The following TSPAN15 variants were observed in gnomAD, a reference collection of about 807,000 sequenced individuals.
TSPAN15 encodes the protein tetraspanin 15, also known as tetraspanin-15.
A neutral mutation model predicts 34.5 loss-of-function variants in TSPAN15; 20 were observed. The observed-to-expected ratio is 0.58, with a 90% CI of 0.41 to 0.84. TSPAN15 has a LOEUF of 0.84. Among genes scored for constraint, TSPAN15 ranks in the 40% least tolerant of loss-of-function variants. The pLI, the probability that TSPAN15 is intolerant of heterozygous loss-of-function variation, is 0.00. For synonymous variants in TSPAN15, 155 were observed against 153.9 expected (o/e 1.01, Z -0.05); for missense variants, 313 against 386.1 (o/e 0.81, Z 1.59).
downstream of TSPAN15, among the ~76,000 whole-genome samples, chr10:69,510,047 G>A (rs554977156): frequency 2.0e-5 from 3 of 152,290 alleles, no homozygotes; most frequent in African/African-American, 7.2e-5. Context: ...GCTTAGGATT[G>A]TCTTGGCTAT....
chr10:69,507,525 AT>A lies in TSPAN15; in HGVS notation c.*552del, dbSNP rs1842359410. 2.3e-6 allele frequency: 3 copies of A among 1,303,932 alleles called. No homozygotes were observed. The highest frequency in any genetic ancestry group is 1.5e-5 in the African/African-American group (1 of 65,770). The allele number at this position is 1,303,932 out of a possible 1,614,324, so 80.8% of individuals were successfully genotyped here. ...TCCTTGAGCCTAGTTTTTTTACGTG[AT>A]TTTTGTAACATTCATTTTTTTGTAC... On this transcript the variant is annotated 3_prime_UTR_variant, in exon 8 of 8. Coordinates refer to ENST00000373290, the MANE Select transcript of TSPAN15 (RefSeq NM_012339.5).
intron 1 of TSPAN15, among the ~76,000 whole-genome samples, chr10:69,474,095 T>A (rs896123740): frequency 6.6e-6 from 1 of 152,140 alleles, no homozygotes; most frequent in African/African-American, 2.4e-5. Context: ...GAGCCGGCAG[T>A]TCTGACTGAG....
At chr10:69,547,529 T>C in the TSPAN15 span, among the ~76,000 whole-genome samples, 5 of 152,202 alleles carry the variant, frequency 3.3e-5, no homozygotes, top group African/African-American at 1.2e-4. Context: ...ATAGAAAGTC[T>C]TATATTTTTC....
At chr10:69,536,727 G>A in the TSPAN15 span, among the ~76,000 whole-genome samples, 4 of 152,232 alleles carry the variant, frequency 2.6e-5, no homozygotes, top group South Asian at 2.1e-4. Context: ...GCTCGTGCCT[G>A]TAATCCCAAC....
intron 3 of TSPAN15, among the ~76,000 whole-genome samples, chr10:69,491,178 T>C (rs1368910771): frequency 6.6e-6 from 1 of 152,180 alleles, no homozygotes; most frequent in Non-Finnish European, 1.5e-5. Context: ...CACCTTCTCC[T>C]GGTCCCCTGG....
intron 1 of TSPAN15, among the ~76,000 whole-genome samples, chr10:69,481,660 T>C (rs896731115): frequency 6.6e-6 from 1 of 152,162 alleles, no homozygotes; most frequent in Non-Finnish European, 1.5e-5. Flanking sequence ...CCTCGGTGTT[T>C]TGCATGGTGA....
At chr10:69,547,430 A>C in the TSPAN15 span, among the ~76,000 whole-genome samples, 1 of 152,134 alleles carries the variant, frequency 6.6e-6, no homozygotes, top group African/African-American at 2.4e-5. Context: ...CTGGCCCTGC[A>C]CTCTGGAGGA....
At chr10:69,485,305 G>T in intron 3 of TSPAN15, 90 bp downstream of exon 3, 2 of 1,059,414 alleles carry the variant, frequency 1.9e-6, no homozygotes, top group South Asian at 2.5e-5. Flanking sequence ...CAGTGAGCAG[G>T]GCAGATAACC....
the TSPAN15 span, among the ~76,000 whole-genome samples, chr10:69,533,210 C>G: frequency 6.6e-6 from 1 of 152,092 alleles, no homozygotes; most frequent in African/African-American, 2.4e-5. Context: ...AAGATACTTG[C>G]AGATGCATGT....
At chr10:69,460,040 ATGAGATGAG>A (rs1841215326) in intron 1 of TSPAN15, among the ~76,000 whole-genome samples, 1 of 145,848 alleles carries the variant, frequency 6.9e-6, no homozygotes, top group Non-Finnish European at 1.5e-5. Flanking sequence ...ATGAGATGAG[ATGAGATGAG>A]ATGAGATGAG....
intron 1 of TSPAN15, among the ~76,000 whole-genome samples, chr10:69,470,321 A>G (rs902072156): frequency 6.6e-6 from 1 of 152,184 alleles, no homozygotes; most frequent in Non-Finnish European, 1.5e-5. Context: ...AGTCCTCTCC[A>G]TTGCAAAGGC....
chr10:69,499,625 A>C (rs1369109042), intron 5 of TSPAN15, among the ~76,000 whole-genome samples: 4 of 152,244 alleles, frequency 2.6e-5, no homozygotes, highest in African/African-American at 7.2e-5. Flanking sequence ...TAGCAAACAA[A>C]GTCTCTGCCC....
intron 4 of TSPAN15, among the ~76,000 whole-genome samples, chr10:69,496,350 TAATAATAATA>T (rs1455233483): frequency 6.8e-6 from 1 of 148,014 alleles, no homozygotes; most frequent in Non-Finnish European, 1.5e-5. Context: ...ATAATAATAA[TAATAATAATA>T]ATAATAATAA....
At chr10:69,515,397 C>T in the TSPAN15 span, among the ~76,000 whole-genome samples, 12 of 152,218 alleles carry the variant, frequency 7.9e-5, no homozygotes, top group East Asian at 1.5e-3. Flanking sequence ...CACACGGTTC[C>T]ATCTGTCCTC....
intron 1 of TSPAN15, among the ~76,000 whole-genome samples, chr10:69,451,988 A>T (rs990413472): frequency 4.6e-5 from 7 of 152,250 alleles, no homozygotes; most frequent in Admixed American, 2.6e-4. Flanking sequence ...GGCTAGGCTG[A>T]GGTGAACGCG....
At chr10:69,492,410 G>A (rs917445461) in intron 3 of TSPAN15, among the ~76,000 whole-genome samples, 4 of 152,118 alleles carry the variant, frequency 2.6e-5, no homozygotes, top group African/African-American at 9.7e-5. Flanking sequence ...CGTCTCCCCG[G>A]TACACATACA....
chr10:69,457,375 G>A (rs57677741), intron 1 of TSPAN15, among the ~76,000 whole-genome samples: 13,685 of 152,274 alleles, frequency 0.09, 692 homozygotes, highest in Non-Finnish European at 0.12. Context: ...GTCTGCTGAG[G>A]CCTTGACTTT....
At chr10:69,470,261 G>C (rs144868700) in intron 1 of TSPAN15, among the ~76,000 whole-genome samples, 2 of 152,128 alleles carry the variant, frequency 1.3e-5, no homozygotes, top group Admixed American at 6.6e-5. Context: ...ATCACATTAG[G>C]GGGTGTGTGC....
chr10:69,499,408 C>T (rs1842155500), intron 5 of TSPAN15, among the ~76,000 whole-genome samples: 1 of 152,180 alleles, frequency 6.6e-6, no homozygotes, highest in Non-Finnish European at 1.5e-5. Flanking sequence ...GGGTAGTTCT[C>T]TGGGAAGTGG....
Sources: allele counts gnomAD v4.1 joint callset (sites outside exome capture counted in the v4.1 genomes callset), GRCh38; gene constraint gnomAD v4.1.1; transcripts MANE v1.5; gene names NCBI Gene and HGNC (gene_info 2026-07-23, HGNC 2026-07-21).